Variants in CTC1 observed in about 807,000 individuals in gnomAD.
The protein encoded by CTC1 is CST telomere replication complex component 1.
In CTC1, 91 loss-of-function variants were observed where a neutral mutation model predicts 136.3. That is an observed-to-expected ratio of 0.67 (90% CI 0.56 to 0.79). CTC1 has a LOEUF of 0.79. CTC1 is among the 30% of genes least tolerant of loss of function. The probability of loss-of-function intolerance (pLI) is 0.00; values close to 1 mark genes in which losing one functional copy is unlikely to be tolerated. For synonymous variants in CTC1, 606 were observed against 613.8 expected, an observed-to-expected ratio of 0.99 and a Z score of 0.19; for missense variants, 1,432 against 1,498.1, an observed-to-expected ratio of 0.96 and a Z score of 0.73.
intron 15 of CTC1, 42 bp downstream of exon 15, chr17:8,231,234 G>C: frequency 1.4e-6 from 2 of 1,456,086 alleles, no homozygotes; most frequent in Admixed American, 2.3e-5. Context: ...TGGGAGAAGA[G>C]AGAGTGGCCA....
At chr17:8,244,041 C>T (rs879936887) in intron 1 of CTC1, among the ~76,000 whole-genome samples, 1 of 152,142 alleles carries the variant, frequency 6.6e-6, no homozygotes, top group African/African-American at 2.4e-5. Flanking sequence ...TGCACTCTGG[C>T]CTGGGTGACA....
At position 8,226,172 on chromosome 17, in the gene CTC1, A is replaced by C. The variant is rs1986620584; in HGVS notation, c.*2008T>G. 6.6e-6 allele frequency: 1 copy of C among 152,248 alleles called. No individual in the cohort carries two copies. Among genetic ancestry groups the C allele is most frequent in the Admixed American group, 6.5e-5 (1 of 15,284 alleles). 9.4% of individuals were successfully genotyped at this position (152,248 alleles called of 1,614,324 possible). ...AACAGAAACTCTTACGCGTTCTGAT[A>C]TAAAAACAATACATGAAAGGATGTG... is the stretch of plus-strand genomic sequence containing the variant. On this transcript the variant is annotated 3_prime_UTR_variant, in exon 23 of 23. Transcript: ENST00000651323.
At chr17:8,239,740 G>A (rs1988055452) in intron 2 of CTC1, among the ~76,000 whole-genome samples, 1 of 151,746 alleles carries the variant, frequency 6.6e-6, no homozygotes, top group East Asian at 1.9e-4. Flanking sequence ...TTTTTTAAGT[G>A]GAAATGAAAA....
In CTC1 at chr17:8,226,358, G is replaced by C. The variant is rs1372052691; in HGVS notation, c.*1822C>G. The C allele has an allele frequency of 6.6e-6, 1 of 152,166 alleles. No homozygotes were observed. The highest frequency in any genetic ancestry group is 1.5e-5 in the Non-Finnish European group (1 of 68,030). The allele number at this position is 152,166 out of a possible 1,614,324, so 9.4% of individuals were successfully genotyped here. ...ATTCATCTACAAGAATATAGAGCTA[G>C]GAACCCGGACCGAGCTTTTTCAGAT... On this transcript the variant is annotated 3_prime_UTR_variant, in exon 23 of 23. Coordinates refer to ENST00000651323, the MANE Select transcript of CTC1 (RefSeq NM_025099.6).
intron 4 of CTC1, 68 bp downstream of exon 4, chr17:8,237,963 C>T (rs1987887221): frequency 1.6e-6 from 2 of 1,274,036 alleles, no homozygotes; most frequent in Admixed American, 3.8e-5. Flanking sequence ...TTCTTTCTCT[C>T]CCTCCACTGA....
At chr17:8,242,335 T>C (rs913016108) in intron 2 of CTC1, among the ~76,000 whole-genome samples, 8 of 151,846 alleles carry the variant, frequency 5.3e-5, no homozygotes, top group Non-Finnish European at 1.0e-4. Flanking sequence ...ACCTGGCCAA[T>C]AGTGATTACT....
chr17:8,247,305 CTTTTTTT>C (rs772948223), intron 1 of CTC1, among the ~76,000 whole-genome samples: 2,819 of 91,284 alleles, frequency 0.031, 100 homozygotes, highest in African/African-American at 0.12. Flanking sequence ...CCTTCCGGCG[CTTTTTTT>C]TTTTTTTTTT....
In CTC1 at chr17:8,243,083, C is replaced by T. The variant is rs201091226; in HGVS notation, c.99G>A (p.Glu33=). 2.4e-5 allele frequency: 38 copies of T among 1,614,086 alleles called. No homozygotes were observed. The East Asian group carries it at 8.2e-4, about 35-fold the overall frequency. The change falls in exon 2 of 23, where the codon GAG becomes GAA. Residue 33 remains glutamate, a synonymous_variant. Transcript: ENST00000651323. The part of the protein sequence containing the change: ...IQKTLCPAVK[E]PNVQLTPLVI... ...CCAATGGAGTCAACTGGACATTAGG[C>T]TCCTTGACAGCTGGACACAGGGTCT... is the stretch of plus-strand genomic sequence containing the variant.
At chr17:8,230,810 A>G in intron 15 of CTC1, 159 bp from the exon 16 acceptor site, 1 of 635,658 alleles carries the variant, frequency 1.6e-6, no homozygotes, top group Non-Finnish European at 2.8e-6. Context: ...CACTAAGAGT[A>G]ACAGGGCCTA....
At chr17:8,242,481 T>C (rs1014070721) in intron 2 of CTC1, among the ~76,000 whole-genome samples, 2 of 148,944 alleles carry the variant, frequency 1.3e-5, no homozygotes, top group Non-Finnish European at 3.0e-5. Context: ...ACCCCTTTTC[T>C]TGTGCTTTAC....
Position 8,232,433 on chromosome 17 carries a change from C to G in CTC1, c.1988G>C (p.Arg663Thr). The change falls in exon 12 of 23, where the codon AGG becomes ACG. Residue 663 changes from arginine to threonine, a missense_variant. Physicochemically the swap from Arg to Thr is moderately conservative, Grantham distance 71. Transcript: ENST00000651323. Reference sequence around the variant, plus strand: ...GGAAGGGAAGCTGCTTCTCACGTCCCTCTCTACGATCAACTGAAACCTCTC... The same window carrying G: ...GGAAGGGAAGCTGCTTCTCACGTCCGTCTCTACGATCAACTGAAACCTCTC... ...RAERFQLIVE[R>T]DVRSSFPSWK... is the part of the protein sequence containing the mutation. 6.2e-7 allele frequency: 1 copy of G among 1,614,176 alleles called. No homozygotes were observed. Among genetic ancestry groups the G allele is most frequent in the Non-Finnish European group, 8.5e-7 (1 of 1,180,014 alleles).
chr17:8,247,281 TC>T (rs1988812063), intron 1 of CTC1, among the ~76,000 whole-genome samples: 1 of 150,218 alleles, frequency 6.7e-6, no homozygotes. Flanking sequence ...TGTGTTTGCT[TC>T]CGTCCTGAAA....
intron 1 of CTC1, among the ~76,000 whole-genome samples, chr17:8,243,747 C>T (rs1988465624): frequency 6.6e-6 from 1 of 152,132 alleles, no homozygotes; most frequent in Admixed American, 6.5e-5. Flanking sequence ...TGGACAAAAA[C>T]ATTGTTGAAC....
At position 8,248,005 on chromosome 17, in the gene CTC1, GAGGA is replaced by G; in HGVS notation, c.28_31del (p.Ser10ProfsTer28). The G allele has an allele frequency of 6.2e-7, 1 of 1,607,072 alleles. No individual in the cohort carries two copies. Among genetic ancestry groups the G allele is most frequent in the Non-Finnish European group, 8.5e-7 (1 of 1,176,084 alleles). On this transcript the variant is annotated frameshift_variant and splice_region_variant, in exon 1 of 23. Coordinates refer to ENST00000651323, the MANE Select transcript of CTC1 (RefSeq NM_025099.6). LOFTEE classifies it high-confidence loss of function. ...AAGAGACGTAATAGCAGCACTCACG[GAGGA>G]AGGGACCTGGGCCCGGCCAGCCGCC... is the stretch of plus-strand genomic sequence containing the variant.
chr17:8,235,315 A>G, intron 7 of CTC1, 30 bp from the exon 8 acceptor site: 1 of 1,547,896 alleles, frequency 6.5e-7, no homozygotes. Flanking sequence ...ATGAAAAAGC[A>G]GAGATGAAGA....
chr17:8,233,937 G>A (rs887278526), intron 10 of CTC1, among the ~76,000 whole-genome samples: 5 of 151,904 alleles, frequency 3.3e-5, no homozygotes, highest in African/African-American at 9.7e-5. Flanking sequence ...ATCCTGTCTC[G>A]AAAAAAAGGA....
intron 1 of CTC1, among the ~76,000 whole-genome samples, chr17:8,246,170 G>T (rs997190878): frequency 7.3e-6 from 1 of 137,452 alleles, no homozygotes; most frequent in Non-Finnish European, 1.5e-5. Context: ...TGGTGCCACT[G>T]CACTCTAGCC....
rs1345289615 is a variant in CTC1, at chr17:8,228,073, A to C, written c.*107T>G. 1 of 1,136,510 alleles carries C rather than the reference A, an allele frequency of 8.8e-7. No individual in the cohort carries two copies. The highest frequency in any genetic ancestry group is 1.3e-6 in the Non-Finnish European group (1 of 782,770). The allele number at this position is 1,136,510 out of a possible 1,614,324, so 70.4% of individuals were successfully genotyped here. A position where few individuals can be genotyped will look rare whatever the true frequency, so the allele number is the denominator to read the frequency against. The stretch of plus-strand genomic sequence containing the variant: ...AATTATAGTGGAGTAGCAGTTTGTG[A>C]ATCTGGAGTCCTTGGTTCAATCACA... On this transcript the variant is annotated 3_prime_UTR_variant, in exon 23 of 23. Coordinates refer to ENST00000651323, the MANE Select transcript of CTC1 (RefSeq NM_025099.6).
intron 1 of CTC1, 103 bp from the exon 2 acceptor site, chr17:8,243,251 G>A: frequency 2.7e-6 from 3 of 1,099,572 alleles, no homozygotes; most frequent in Non-Finnish European, 3.8e-6. Context: ...CGGGTGCGGT[G>A]GCTCACGCCT....
Sources: allele counts gnomAD v4.1 joint callset (sites outside exome capture counted in the v4.1 genomes callset), GRCh38; gene constraint gnomAD v4.1.1; transcripts MANE v1.5; gene names NCBI Gene and HGNC (gene_info 2026-07-23, HGNC 2026-07-21).